PDCD6IP: variants seen among roughly 807,000 people sequenced by gnomAD.
PDCD6IP encodes the protein programmed cell death 6-interacting protein.
PDCD6IP carries 43 observed loss-of-function variants against 103.7 expected under a neutral mutation model. The ratio of observed to expected loss-of-function variants is 0.41; its 90% CI spans 0.32 to 0.53. The LOEUF is 0.53. Ranked by LOEUF, PDCD6IP falls within the 20% of genes least tolerant of loss-of-function variation. PDCD6IP has a pLI of 0.16. For missense variants in PDCD6IP, 871 were observed against 1,036.7 expected (o/e 0.84, Z 2.20); for synonymous variants, 354 against 378.7 (o/e 0.93, Z 0.76).
intron 9 of PDCD6IP, among the ~76,000 whole-genome samples, chr3:33,839,739 A>G (rs554950261): frequency 8.5e-5 from 13 of 152,290 alleles, no homozygotes; most frequent in Admixed American, 3.3e-4. Flanking sequence ...TGAAAATACA[A>G]TTGTTCTGCA....
chr3:33,808,018 G>A (rs901879699), intron 1 of PDCD6IP, among the ~76,000 whole-genome samples: 11 of 152,108 alleles, frequency 7.2e-5, no homozygotes, highest in Admixed American at 5.9e-4. Context: ...TCACAAACCA[G>A]AATTTTAGGT....
intron 1 of PDCD6IP, among the ~76,000 whole-genome samples, chr3:33,800,046 G>A (rs957279104): frequency 5.4e-5 from 8 of 148,680 alleles, no homozygotes; most frequent in African/African-American, 2.0e-4. Flanking sequence ...TGTGAACCTG[G>A]GAGACGGAGC....
intron 10 of PDCD6IP, among the ~76,000 whole-genome samples, chr3:33,843,216 G>C (rs1697515335): frequency 6.6e-6 from 1 of 152,098 alleles, no homozygotes; most frequent in Admixed American, 6.5e-5. Context: ...GCAGTTTTCT[G>C]TTTTAAAAAT....
At chr3:33,857,271 C>T (rs1697850632) in intron 15 of PDCD6IP, among the ~76,000 whole-genome samples, 1 of 152,060 alleles carries the variant, frequency 6.6e-6, no homozygotes, top group Non-Finnish European at 1.5e-5. Flanking sequence ...ACCTCTGCCT[C>T]CCGGGTTCAA....
intron 3 of PDCD6IP, 56 bp downstream of exon 3, chr3:33,813,684 T>A: frequency 1.0e-6 from 1 of 987,582 alleles, no homozygotes; most frequent in Non-Finnish European, 1.6e-6. Context: ...TTTGCATTGT[T>A]TTTAGTTTTT....
chr3:33,802,816 A>T (rs147863428), intron 1 of PDCD6IP, among the ~76,000 whole-genome samples: 1 of 152,206 alleles, frequency 6.6e-6, no homozygotes, highest in African/African-American at 2.4e-5. Flanking sequence ...TTGAGAGTGA[A>T]CCTACCTTCA....
chr3:33,857,870 C>T (rs1488031488), intron 15 of PDCD6IP, among the ~76,000 whole-genome samples: 1 of 152,066 alleles, frequency 6.6e-6, no homozygotes, highest in Non-Finnish European at 1.5e-5. Context: ...TAAACAGTTC[C>T]CTCTGAAGTC....
chr3:33,844,235 T>C lies in PDCD6IP; in HGVS notation c.1471+12T>C. ...GCCTTTAAGAGCAGGTAAAAATGTG[T>C]ATAAATGACCTTCATTTGAATAAAT... On this transcript the variant is annotated intron_variant, in intron 11 of 17. Coordinates refer to ENST00000307296, the MANE Select transcript of PDCD6IP (RefSeq NM_013374.6). 1 of 1,393,312 alleles carries C rather than the reference T, an allele frequency of 7.2e-7. No individual in the cohort carries two copies. The highest frequency in any genetic ancestry group is 1.5e-5 in the African/African-American group (1 of 67,288). 86.3% of individuals were successfully genotyped at this position (1,393,312 alleles called of 1,614,324 possible).
At chr3:33,862,876 T>C (rs1476813650) in intron 15 of PDCD6IP, among the ~76,000 whole-genome samples, 2 of 152,196 alleles carry the variant, frequency 1.3e-5, no homozygotes, top group Non-Finnish European at 2.9e-5. Flanking sequence ...GTGGGCAGTC[T>C]TTTAGGATTA....
chr3:33,819,280 A>T lies in PDCD6IP; in HGVS notation c.335-2675A>T, dbSNP rs9851321. On this transcript the variant is annotated intron_variant, in intron 3 of 17. Transcript: ENST00000307296. Reference sequence around the variant, plus strand: ...TTTAACAATCAAGTTTTTAATTTTTAGGAGCTTTGTCTTATTAATTTAAAA... The same window carrying T: ...TTTAACAATCAAGTTTTTAATTTTTTGGAGCTTTGTCTTATTAATTTAAAA... 5.7e-3 allele frequency among the ~76,000 whole-genome samples: 864 copies of T among 152,214 alleles called. 6 individuals carry two copies. The highest frequency in any genetic ancestry group is 0.02 in the African/African-American group (830 of 41,572).
At chr3:33,814,244 A>C (rs925722900) in intron 3 of PDCD6IP, among the ~76,000 whole-genome samples, 2 of 151,154 alleles carry the variant, frequency 1.3e-5, no homozygotes, top group Non-Finnish European at 2.9e-5. Flanking sequence ...TACTGGGTTC[A>C]AGTGATTCTC....
chr3:33,862,382 A>G (rs1697973710), intron 15 of PDCD6IP, among the ~76,000 whole-genome samples: 1 of 152,044 alleles, frequency 6.6e-6, no homozygotes, highest in Non-Finnish European at 1.5e-5. Context: ...ACTGTCTCAG[A>G]TGTTTTGGGA....
intron 1 of PDCD6IP, among the ~76,000 whole-genome samples, chr3:33,801,621 T>TCAAAA (rs150270368): frequency 0.26 from 39,738 of 151,612 alleles, 5,430 homozygotes; most frequent in East Asian, 0.39. Context: ...AGACGCTGTC[T>TCAAAA]CAAAACAAAA....
chr3:33,817,330 G>T (rs1696877500), intron 3 of PDCD6IP, among the ~76,000 whole-genome samples: 1 of 152,188 alleles, frequency 6.6e-6, no homozygotes, highest in Non-Finnish European at 1.5e-5. Flanking sequence ...TTATTTGTGA[G>T]ATACCAAAAA....
intron 1 of PDCD6IP, among the ~76,000 whole-genome samples, chr3:33,806,811 T>C (rs1367799498): frequency 1.3e-5 from 2 of 152,234 alleles, no homozygotes; most frequent in Non-Finnish European, 2.9e-5. Flanking sequence ...TGGAATTATA[T>C]TGAAGGAGTA....
intron 3 of PDCD6IP, among the ~76,000 whole-genome samples, chr3:33,818,097 GTTTTTTTTTTTTT>G (rs756780125): frequency 1.5e-5 from 1 of 68,086 alleles, no homozygotes; most frequent in African/African-American, 6.4e-5. Flanking sequence ...TTTCATTCTT[GTTTTTTTTTTTTT>G]TTTTTTTTTT....
intron 1 of PDCD6IP, among the ~76,000 whole-genome samples, chr3:33,809,860 G>A (rs1269024539): frequency 1.3e-5 from 2 of 152,162 alleles, no homozygotes; most frequent in Non-Finnish European, 2.9e-5. Flanking sequence ...ATAAAGGCTT[G>A]TCTCATTTTC....
At chr3:33,799,062 C>A in intron 1 of PDCD6IP, 125 bp downstream of exon 1, 1 of 921,498 alleles carries the variant, frequency 1.1e-6, no homozygotes, top group Non-Finnish European at 1.6e-6. Context: ...CCTGACCAGG[C>A]GCGTAGGTGT....
At chr3:33,853,216 C>T (rs575054195) in intron 13 of PDCD6IP, among the ~76,000 whole-genome samples, 6 of 152,286 alleles carry the variant, frequency 3.9e-5, no homozygotes, top group African/African-American at 1.4e-4. Flanking sequence ...AGCCACCATG[C>T]CCTGCAGAAA....
Sources: gnomAD v4.1 joint callset for allele counts (sites outside exome capture counted in the v4.1 genomes callset) on GRCh38, gnomAD v4.1.1 for gene constraint, MANE v1.5 for transcripts, NCBI Gene and HGNC (gene_info 2026-07-23, HGNC 2026-07-21) for gene names.